The following TBC1D22A variants were observed in gnomAD, a reference collection of about 807,000 sequenced individuals.
The protein encoded by TBC1D22A is putative GTPase activator.
In TBC1D22A, 38 loss-of-function variants were observed where a neutral mutation model predicts 60.2. The observed-to-expected ratio is 0.63, with a 90% CI of 0.49 to 0.83. The LOEUF (loss-of-function observed/expected upper bound fraction) is 0.83, where lower values mean the gene tolerates loss of function less well. TBC1D22A is among the 40% of genes least tolerant of loss of function. The probability of loss-of-function intolerance (pLI) is 0.00; values close to 1 mark genes in which losing one functional copy is unlikely to be tolerated. For missense variants in TBC1D22A, 628 were observed against 701.0 expected (o/e 0.90, Z 1.18); for synonymous variants, 302 against 281.7 (o/e 1.07, Z -0.72).
At chr22:47,160,345 C>T (rs945652090) in intron 12 of TBC1D22A, among the ~76,000 whole-genome samples, 3 of 152,214 alleles carry the variant, frequency 2.0e-5, no homozygotes, top group African/African-American at 2.4e-5. Context: ...ACTGGGGATC[C>T]GGGGCCAGGC....
At chr22:47,082,307 CAG>C (rs1252963156) in intron 11 of TBC1D22A, among the ~76,000 whole-genome samples, 3 of 152,046 alleles carry the variant, frequency 2.0e-5, no homozygotes, top group Non-Finnish European at 2.9e-5. Context: ...ATAAAATTTA[CAG>C]AGTTTTTTAA....
intron 4 of TBC1D22A, among the ~76,000 whole-genome samples, chr22:46,829,007 C>T (rs1056738465): frequency 3.3e-5 from 5 of 152,196 alleles, no homozygotes; most frequent in African/African-American, 1.2e-4. Flanking sequence ...GTCACACACT[C>T]TCCAATGTCA....
chr22:46,866,500 A>G (rs2067064080), intron 4 of TBC1D22A, among the ~76,000 whole-genome samples: 1 of 152,262 alleles, frequency 6.6e-6, no homozygotes. Flanking sequence ...GCGGCAAGCA[A>G]AGCTGTCTCT....
At chr22:46,917,005 G>A (rs2070410952) in intron 8 of TBC1D22A, among the ~76,000 whole-genome samples, 1 of 152,214 alleles carries the variant, frequency 6.6e-6, no homozygotes, top group African/African-American at 2.4e-5. Flanking sequence ...AAGCTTGAAT[G>A]TGCCCATTCC....
chr22:46,868,155 T>C (rs1417200272), intron 4 of TBC1D22A, among the ~76,000 whole-genome samples: 2 of 152,192 alleles, frequency 1.3e-5, no homozygotes, highest in Admixed American at 6.5e-5. Flanking sequence ...TATTTTTTAC[T>C]GTTAAGTACG....
chr22:47,023,743 A>G (rs1438718772), intron 10 of TBC1D22A, among the ~76,000 whole-genome samples: 1 of 152,226 alleles, frequency 6.6e-6, no homozygotes, highest in South Asian at 2.1e-4. Flanking sequence ...CAGCAAAAGT[A>G]TCTTTCAGAG....
chr22:47,109,201 T>G (rs968019062), intron 11 of TBC1D22A, among the ~76,000 whole-genome samples: 1 of 152,292 alleles, frequency 6.6e-6, no homozygotes, highest in East Asian at 1.9e-4. Context: ...AATTTTGAAT[T>G]TGTATGCTCC....
intron 4 of TBC1D22A, among the ~76,000 whole-genome samples, chr22:46,799,766 G>T (rs1200049491): frequency 3.3e-5 from 5 of 152,236 alleles, no homozygotes; most frequent in Non-Finnish European, 7.3e-5. Context: ...TGCCCACAAT[G>T]AGATTCTGAT....
intron 5 of TBC1D22A, among the ~76,000 whole-genome samples, chr22:46,880,399 C>A (rs947644163): frequency 2.6e-5 from 4 of 152,182 alleles, no homozygotes; most frequent in African/African-American, 9.7e-5. Context: ...TAAGCAGTTT[C>A]TAGCTTGAGT....
chr22:46,967,842 TGGTAATTACAAGCTATGATTCCATTG>T (rs2073878975), intron 8 of TBC1D22A, among the ~76,000 whole-genome samples: 3 of 151,618 alleles, frequency 2.0e-5, no homozygotes, highest in Admixed American at 1.3e-4. Flanking sequence ...GTGCACCCCC[TGGTAATTACAAGCTATGATTCCATTG>T]CACCCCCTGG....
intron 7 of TBC1D22A, among the ~76,000 whole-genome samples, chr22:46,895,780 G>T (rs761145514): frequency 1.3e-5 from 2 of 152,096 alleles, no homozygotes; most frequent in Non-Finnish European, 2.9e-5. Flanking sequence ...TGGACATTTG[G>T]GTTGTTTCTG....
chr22:46,987,432 C>T (rs1405405232), intron 9 of TBC1D22A, among the ~76,000 whole-genome samples: 2 of 152,138 alleles, frequency 1.3e-5, no homozygotes, highest in East Asian at 1.9e-4. Flanking sequence ...AATAAAGAGA[C>T]TCTTCTTTCT....
At chr22:47,142,577 T>TCCA (rs1427505042) in intron 12 of TBC1D22A, among the ~76,000 whole-genome samples, 79 of 98,016 alleles carry the variant, frequency 8.1e-4, no homozygotes, top group South Asian at 2.3e-3. Flanking sequence ...CACCTACCCA[T>TCCA]TCACCCACCC....
intron 11 of TBC1D22A, among the ~76,000 whole-genome samples, chr22:47,099,690 C>T (rs776678778): frequency 6.6e-6 from 1 of 151,938 alleles, no homozygotes; most frequent in Non-Finnish European, 1.5e-5. Flanking sequence ...GGTGGTCCAC[C>T]TGCCTCAGCC....
At chr22:46,767,324 G>A (rs1484081841) in intron 1 of TBC1D22A, among the ~76,000 whole-genome samples, 2 of 152,172 alleles carry the variant, frequency 1.3e-5, no homozygotes, top group Non-Finnish European at 2.9e-5. Flanking sequence ...AGCACAAAGC[G>A]GTTGAGTTTG....
chr22:47,097,404 A>T (rs2065227689), intron 11 of TBC1D22A, among the ~76,000 whole-genome samples: 1 of 152,322 alleles, frequency 6.6e-6, no homozygotes, highest in African/African-American at 2.4e-5. Flanking sequence ...TCACGAGGTC[A>T]GGAGATCGAG....
chr22:47,014,119 G>T (rs2061833337), intron 10 of TBC1D22A, among the ~76,000 whole-genome samples: 1 of 152,212 alleles, frequency 6.6e-6, no homozygotes, highest in South Asian at 2.1e-4. Context: ...CCTCTTTGGG[G>T]ATGCACAGTG....
chr22:46,923,522 G>T lies in TBC1D22A; in HGVS notation c.1015+11334G>T, dbSNP rs189044737. On this transcript the variant is annotated intron_variant, in intron 8 of 12. Coordinates refer to ENST00000337137, the MANE Select transcript of TBC1D22A (RefSeq NM_014346.5). ...AGGTTGCTAGGGTCGCAGTGTCTAG[G>T]TCTGGGCTGGGAGGAAGAAGGACTC... Among the ~76,000 whole-genome samples the T allele has an allele frequency of 1.9e-3, 289 of 152,366 alleles. 1 individual carries two copies. The highest frequency in any genetic ancestry group is 6.6e-3 in the African/African-American group (276 of 41,586).
At chr22:47,064,459 C>G (rs2063688842) in intron 11 of TBC1D22A, among the ~76,000 whole-genome samples, 1 of 152,268 alleles carries the variant, frequency 6.6e-6, no homozygotes, top group Admixed American at 6.5e-5. Context: ...TCAGTCTGAT[C>G]CATTTACCTG....
Sources: allele counts gnomAD v4.1 joint callset (sites outside exome capture counted in the v4.1 genomes callset), GRCh38; gene constraint gnomAD v4.1.1; transcripts MANE v1.5; gene names NCBI Gene and HGNC (gene_info 2026-07-23, HGNC 2026-07-21).